Variants in SLC39A11 observed in about 807,000 individuals in gnomAD.
SLC39A11 encodes the protein solute carrier family 39 member 11, also known as zinc transporter ZIP11.
Under a neutral mutation model 36.1 loss-of-function variants are expected in SLC39A11, and 33 were observed. The ratio of observed to expected loss-of-function variants is 0.91; its 90% CI spans 0.69 to 1.22. The LOEUF (loss-of-function observed/expected upper bound fraction) is 1.22, where lower values mean the gene tolerates loss of function less well. Ranked by LOEUF, SLC39A11 falls within the 50% of genes most tolerant of loss-of-function variation. SLC39A11 has a pLI of 0.00. For synonymous variants in SLC39A11, 166 were observed against 170.3 expected (o/e 0.97, Z 0.20); for missense variants, 432 against 430.3 (o/e 1.00, Z -0.03).
intron 4 of SLC39A11, among the ~76,000 whole-genome samples, chr17:72,958,846 G>C (rs1265996069): frequency 6.9e-6 from 1 of 145,954 alleles, no homozygotes; most frequent in Non-Finnish European, 1.5e-5. Flanking sequence ...GCGAGACTCT[G>C]TCTTAAAAAA....
chr17:72,900,833 G>A (rs892710579), intron 5 of SLC39A11, among the ~76,000 whole-genome samples: 4 of 152,166 alleles, frequency 2.6e-5, no homozygotes, highest in Admixed American at 2.0e-4. Context: ...TCATGAAACA[G>A]CAGCAATTAC....
At chr17:72,846,439 G>T (rs2079059363) in intron 6 of SLC39A11, among the ~76,000 whole-genome samples, 1 of 152,202 alleles carries the variant, frequency 6.6e-6, no homozygotes, top group Non-Finnish European at 1.5e-5. Flanking sequence ...CAGGGAAGAA[G>T]TAAGATTTTA....
At chr17:73,036,443 GT>G (rs71154949) in intron 3 of SLC39A11, among the ~76,000 whole-genome samples, 1 of 151,222 alleles carries the variant, frequency 6.6e-6, no homozygotes, top group Non-Finnish European at 1.5e-5. Flanking sequence ...TTTGTTTTTT[GT>G]TTTTTTTCTT....
chr17:72,779,191 C>A (rs528899763), intron 6 of SLC39A11, among the ~76,000 whole-genome samples: 1 of 152,274 alleles, frequency 6.6e-6, no homozygotes, highest in South Asian at 2.1e-4. Context: ...CGCCTGTAAT[C>A]CCAGTACTTT....
At chr17:72,829,045 C>T (rs148096053) in intron 6 of SLC39A11, among the ~76,000 whole-genome samples, 64 of 152,088 alleles carry the variant, frequency 4.2e-4, no homozygotes, top group African/African-American at 1.0e-3. Context: ...GAGGAGAAAA[C>T]GAAGCAACAA....
At chr17:72,661,500 T>C (rs1048905423) in intron 7 of SLC39A11, among the ~76,000 whole-genome samples, 1 of 152,212 alleles carries the variant, frequency 6.6e-6, no homozygotes, top group East Asian at 1.9e-4. Context: ...GATCCTCCCA[T>C]GTGCGATGAG....
intron 5 of SLC39A11, among the ~76,000 whole-genome samples, chr17:72,894,308 A>C (rs1195851262): frequency 7.1e-6 from 1 of 141,372 alleles, no homozygotes; most frequent in African/African-American, 2.7e-5. Context: ...GTTGCAGCAC[A>C]CCAGTATGGT....
chr17:72,756,635 A>C (rs1399717404), intron 6 of SLC39A11, among the ~76,000 whole-genome samples: 1 of 152,236 alleles, frequency 6.6e-6, no homozygotes, highest in Non-Finnish European at 1.5e-5. Flanking sequence ...GGAAGTGGGC[A>C]TGTGGATACT....
At chr17:73,068,083 T>C (rs1329567991) in intron 3 of SLC39A11, 1 of 1,480,214 alleles carries the variant, frequency 6.8e-7, no homozygotes, top group East Asian at 2.3e-5. Flanking sequence ...ACTTCTTTGT[T>C]TTCATAATAG....
At chr17:72,716,980 AAT>A (rs772844911) in intron 7 of SLC39A11, among the ~76,000 whole-genome samples, 143 of 130,468 alleles carry the variant, frequency 1.1e-3, no homozygotes, top group African/African-American at 1.9e-3. Context: ...AAAAAAAAAA[AAT>A]ATATATATAT....
intron 6 of SLC39A11, among the ~76,000 whole-genome samples, chr17:72,830,201 G>T (rs2078220122): frequency 6.6e-6 from 1 of 152,138 alleles, no homozygotes; most frequent in Non-Finnish European, 1.5e-5. Context: ...CTCCCCACTG[G>T]GAAGGAGCAT....
chr17:72,987,826 A>T (rs2088870378), intron 4 of SLC39A11, among the ~76,000 whole-genome samples: 1 of 152,160 alleles, frequency 6.6e-6, no homozygotes, highest in Non-Finnish European at 1.5e-5. Context: ...TCCAAAAATG[A>T]CACCACTTAA....
intron 6 of SLC39A11, among the ~76,000 whole-genome samples, chr17:72,777,004 C>T (rs143883987): frequency 5.3e-5 from 8 of 152,250 alleles, no homozygotes; most frequent in African/African-American, 1.9e-4. Context: ...ATATGATCTG[C>T]CTACCTTCCT....
chr17:72,690,180 G>T (rs905454746), intron 7 of SLC39A11, among the ~76,000 whole-genome samples: 1 of 152,246 alleles, frequency 6.6e-6, no homozygotes, highest in African/African-American at 2.4e-5. Flanking sequence ...CTGTCCCATG[G>T]GATGGGGGTA....
chr17:72,716,563 T>G, intron 7 of SLC39A11, among the ~76,000 whole-genome samples: 2 of 128,888 alleles, frequency 1.6e-5, no homozygotes, highest in East Asian at 2.2e-4. Context: ...ACTGAGAGAG[T>G]ATAAGGAAAA....
intron 7 of SLC39A11, among the ~76,000 whole-genome samples, chr17:72,699,716 A>G (rs2072515231): frequency 6.6e-6 from 1 of 152,256 alleles, no homozygotes. Context: ...ACCCTGAGAC[A>G]GAGCTGGCAA....
intron 3 of SLC39A11, among the ~76,000 whole-genome samples, chr17:73,035,863 CAAAAAA>C (rs1174297357): frequency 4.6e-5 from 3 of 65,550 alleles, no homozygotes; most frequent in African/African-American, 1.3e-4. Context: ...CACTCCATCT[CAAAAAA>C]AAAAAAAAAA....
intron 6 of SLC39A11, among the ~76,000 whole-genome samples, chr17:72,783,771 C>T (rs914996233): frequency 6.6e-6 from 1 of 152,180 alleles, no homozygotes; most frequent in African/African-American, 2.4e-5. Flanking sequence ...CGGGAATAGT[C>T]AGAGTTAACA....
chr17:72,827,701 G>T (rs566655433), intron 6 of SLC39A11, among the ~76,000 whole-genome samples: 5 of 152,236 alleles, frequency 3.3e-5, no homozygotes, highest in Admixed American at 1.3e-4. Flanking sequence ...TCTCACCCTT[G>T]GATACAGATC....
Sources: allele counts gnomAD v4.1 joint callset (sites outside exome capture counted in the v4.1 genomes callset), GRCh38; gene constraint gnomAD v4.1.1; transcripts MANE v1.5; gene names NCBI Gene and HGNC (gene_info 2026-07-23, HGNC 2026-07-21).